Variants in RASSF3 observed in about 807,000 individuals in gnomAD.
RASSF3 encodes ras association domain-containing protein 3.
Under a neutral mutation model 19.9 loss-of-function variants are expected in RASSF3, and 19 were observed. The observed-to-expected ratio is 0.96, with a 90% confidence interval of 0.67 to 1.40. The LOEUF is 1.40. RASSF3 is among the 40% of genes most tolerant of loss of function. RASSF3 has a pLI of 0.00. For missense variants in RASSF3, 306 were observed against 289.8 expected (o/e 1.06, Z -0.41); for synonymous variants, 110 against 104.2 (o/e 1.06, Z -0.34).
chr12:64,671,454 G>A (rs1240053625), intron 1 of RASSF3, among the ~76,000 whole-genome samples: 1 of 152,134 alleles, frequency 6.6e-6, no homozygotes. Context: ...TGACCAGCCT[G>A]TGTTCCTGGC....
chr12:64,575,972 C>T (rs1869589315), intron 2 of RASSF3, among the ~76,000 whole-genome samples: 1 of 151,668 alleles, frequency 6.6e-6, no homozygotes, highest in African/African-American at 2.4e-5. Flanking sequence ...TCACCACAAC[C>T]TCCCCCTCCC....
chr12:64,520,536 A>G (rs1197304738), intron 1 of RASSF3, among the ~76,000 whole-genome samples: 1 of 133,760 alleles, frequency 7.5e-6, no homozygotes, highest in Admixed American at 8.1e-5. Context: ...GTATACACAC[A>G]CAGATACACA....
intron 1 of RASSF3, among the ~76,000 whole-genome samples, chr12:64,681,577 G>C (rs1156727164): frequency 3.3e-5 from 5 of 152,168 alleles, no homozygotes; most frequent in Non-Finnish European, 7.3e-5. Context: ...ACACTTTTTA[G>C]TATATGCTTT....
chr12:64,509,625 A>C (rs1332236718), intron 1 of RASSF3, among the ~76,000 whole-genome samples: 1 of 152,208 alleles, frequency 6.6e-6, no homozygotes, highest in African/African-American at 2.4e-5. Context: ...TGAACATACG[A>C]GCCCTCACTG....
intron 1 of RASSF3, among the ~76,000 whole-genome samples, chr12:64,682,223 T>C (rs1050630524): frequency 3.9e-5 from 6 of 152,078 alleles, no homozygotes; most frequent in African/African-American, 1.2e-4. Flanking sequence ...TATTACCCAA[T>C]ATACTGACCC....
At chr12:64,513,316 G>C (rs573323186) in intron 1 of RASSF3, among the ~76,000 whole-genome samples, 6 of 151,990 alleles carry the variant, frequency 3.9e-5, no homozygotes, top group African/African-American at 4.8e-5. Context: ...CAGTCATGGT[G>C]GTGGGCACCT....
At chr12:64,569,811 CA>C (rs561832091) in intron 2 of RASSF3, among the ~76,000 whole-genome samples, 591 of 152,114 alleles carry the variant, frequency 3.9e-3, no homozygotes, top group African/African-American at 0.013. Flanking sequence ...ACTAAAAATA[CA>C]AAATTAGCCA....
intron 1 of RASSF3, among the ~76,000 whole-genome samples, chr12:64,619,983 A>G (rs1356152101): frequency 7.5e-6 from 1 of 133,856 alleles, no homozygotes; most frequent in Non-Finnish European, 1.7e-5. Context: ...TTATATCAAA[A>G]AAAAAAAAAA....
chr12:64,643,782 C>T (rs1245276229), intron 1 of RASSF3, among the ~76,000 whole-genome samples: 2 of 152,050 alleles, frequency 1.3e-5, no homozygotes, highest in East Asian at 3.8e-4. Context: ...GGTAAAAGCA[C>T]CTAGAGATTA....
intron 1 of RASSF3, chr12:64,515,505 AC>A (rs780718344): frequency 2.6e-5 from 4 of 151,134 alleles, no homozygotes; most frequent in African/African-American, 4.9e-5. Context: ...AATTCCCTTT[AC>A]CTCTTTCTTG....
At chr12:64,572,543 A>G (rs978429095) in intron 2 of RASSF3, among the ~76,000 whole-genome samples, 16 of 152,286 alleles carry the variant, frequency 1.1e-4, no homozygotes, top group South Asian at 8.3e-4. Context: ...GCCTGAGCAG[A>G]TGAATACAGA....
chr12:64,629,569 T>C (rs543217249), intron 1 of RASSF3, among the ~76,000 whole-genome samples: 20 of 152,328 alleles, frequency 1.3e-4, no homozygotes, highest in African/African-American at 4.6e-4. Flanking sequence ...TTTTTATATG[T>C]AATGTGATAA....
chr12:64,531,792 C>A (rs138514230), upstream of RASSF3, among the ~76,000 whole-genome samples: 1 of 152,142 alleles, frequency 6.6e-6, no homozygotes, highest in African/African-American at 2.4e-5. Context: ...CTTCTAGGAA[C>A]GCCCCTTTGT....
chr12:64,637,460 G>A (rs1380198161), intron 1 of RASSF3, among the ~76,000 whole-genome samples: 1 of 131,376 alleles, frequency 7.6e-6, no homozygotes, highest in African/African-American at 2.8e-5. Flanking sequence ...TTCTTGCTCT[G>A]TTGCCCAGGC....
chr12:64,665,419 T>TCTAA (rs1872513492), intron 1 of RASSF3, among the ~76,000 whole-genome samples: 2 of 152,178 alleles, frequency 1.3e-5, no homozygotes, highest in African/African-American at 4.8e-5. Flanking sequence ...CACATTAATT[T>TCTAA]TTACTGTTAG....
In RASSF3 at chr12:64,684,766, CAT is replaced by C. The variant is rs1873284205; in HGVS notation, c.112-20_112-19del. 4 of 1,519,380 alleles carry C rather than the reference CAT, an allele frequency of 2.6e-6. No individual in the cohort carries two copies. Among genetic ancestry groups the C allele is most frequent in the Non-Finnish European group, 2.7e-6 (3 of 1,094,162 alleles). The allele number at this position is 1,519,380 out of a possible 1,614,324, so 94.1% of individuals were successfully genotyped here. On this transcript the variant is annotated intron_variant, in intron 1 of 4. Transcript: ENST00000542104. The stretch of plus-strand genomic sequence containing the variant: ...TTTTTTTATGATTGCTCACATGTGA[CAT>C]GTCTTGTTTTTCTTCTAGGATGTTG...
chr12:64,582,899 C>T (rs1332261000), intron 2 of RASSF3, among the ~76,000 whole-genome samples: 2 of 152,178 alleles, frequency 1.3e-5, no homozygotes, highest in Non-Finnish European at 2.9e-5. Flanking sequence ...TTTCTCATTT[C>T]TCACATGAGC....
chr12:64,610,868 CG>C, intron 1 of RASSF3, 125 bp downstream of exon 1: 1 of 535,382 alleles, frequency 1.9e-6, no homozygotes, highest in Admixed American at 3.8e-5. Context: ...GAAGGAGGAG[CG>C]GGCCGAGAAG....
intron 2 of RASSF3, among the ~76,000 whole-genome samples, chr12:64,593,819 C>T (rs1869959179): frequency 6.6e-6 from 1 of 151,882 alleles, no homozygotes; most frequent in African/African-American, 2.4e-5. Context: ...CAAGACCAGC[C>T]TGGCCAACAT....
Sources: allele counts gnomAD v4.1 joint callset (sites outside exome capture counted in the v4.1 genomes callset), GRCh38; gene constraint gnomAD v4.1.1; transcripts MANE v1.5; gene names NCBI Gene and HGNC (gene_info 2026-07-23, HGNC 2026-07-21).